The following LSM14A variants were observed in gnomAD, a reference collection of about 807,000 sequenced individuals.
The protein encoded by LSM14A is protein LSM14 homolog A.
In LSM14A, 14 loss-of-function variants were observed where a neutral mutation model predicts 52.4. That is an observed-to-expected ratio of 0.27 (90% CI 0.18 to 0.42). The LOEUF is 0.42. LSM14A is among the 10% of genes least tolerant of loss of function. The pLI is 1.00. For missense variants in LSM14A, 417 were observed against 581.8 expected, an observed-to-expected ratio of 0.72 and a Z score of 2.91; for synonymous variants, 185 against 200.3, an observed-to-expected ratio of 0.92 and a Z score of 0.64.
intron 4 of LSM14A, 28 bp from the exon 5 acceptor site, chr19:34,215,096 A>G: frequency 6.4e-7 from 1 of 1,571,946 alleles, no homozygotes; most frequent in Non-Finnish European, 8.6e-7. Context: ...CCAATAGGGT[A>G]GTTTGTTATC....
At chr19:34,181,510 A>G (rs1050163246) in intron 1 of LSM14A, among the ~76,000 whole-genome samples, 16 of 152,160 alleles carry the variant, frequency 1.1e-4, no homozygotes, top group African/African-American at 3.6e-4. Context: ...TCTTAGTCTC[A>G]TTCTACTTCA....
chr19:34,197,009 AG>A (rs2070888938), intron 3 of LSM14A, among the ~76,000 whole-genome samples: 1 of 151,950 alleles, frequency 6.6e-6, no homozygotes, highest in Non-Finnish European at 1.5e-5. Context: ...TGGATATACT[AG>A]GTATATCCAA....
chr19:34,223,233 A>C (rs1169265763), intron 9 of LSM14A, among the ~76,000 whole-genome samples: 1 of 152,056 alleles, frequency 6.6e-6, no homozygotes. Context: ...GGCATGCACC[A>C]CCATGCCCAG....
At chr19:34,208,214 G>A (rs949729063) in intron 3 of LSM14A, 5 of 152,306 alleles carry the variant, frequency 3.3e-5, no homozygotes, top group Admixed American at 3.3e-4. Context: ...CTTTAGGTTG[G>A]ATTTAGAGGT....
rs1181375858 is a variant in LSM14A at position 34,227,578 on chromosome 19, C to T, written c.*190C>T. On this transcript the variant is annotated 3_prime_UTR_variant, in exon 10 of 10. Transcript: ENST00000544216. ...TGCAGTTACTTTTGGGGGTGGAAGG[C>T]TCATCTTAAAACATGAGCATTAAAT... 3.9e-6 allele frequency: 2 copies of T among 507,774 alleles called. No individual in the cohort carries two copies. Among genetic ancestry groups the T allele is most frequent in the South Asian group, 3.6e-5 (1 of 27,880 alleles). The allele number at this position is 507,774 out of a possible 1,614,324, so 31.5% of individuals were successfully genotyped here. A position where few individuals can be genotyped will look rare whatever the true frequency, so the allele number is the denominator to read the frequency against.
At chr19:34,223,078 C>CT (rs1010370480) in intron 9 of LSM14A, among the ~76,000 whole-genome samples, 8 of 151,782 alleles carry the variant, frequency 5.3e-5, no homozygotes, top group African/African-American at 1.9e-4. Flanking sequence ...ACTCTTCATT[C>CT]TTTTTTTTGG....
chr19:34,197,958 C>T (rs1388654457), intron 3 of LSM14A, among the ~76,000 whole-genome samples: 2 of 151,680 alleles, frequency 1.3e-5, no homozygotes, highest in Non-Finnish European at 2.9e-5. Context: ...ATCAGATTAG[C>T]TCAGTGTTTT....
intron 6 of LSM14A, 31 bp from the exon 7 acceptor site, chr19:34,219,360 T>C: frequency 6.6e-7 from 1 of 1,508,066 alleles, no homozygotes; most frequent in Admixed American, 2.1e-5. Context: ...ACATATTGAA[T>C]GTCCTTTGTA....
intron 4 of LSM14A, among the ~76,000 whole-genome samples, chr19:34,213,166 AAAAC>A (rs1202030525): frequency 1.4e-5 from 2 of 145,954 alleles, no homozygotes; most frequent in Non-Finnish European, 2.9e-5. Flanking sequence ...TAAAAAACAA[AAAAC>A]AAAATGTGTT....
chr19:34,210,123 C>G (rs2072024207), intron 4 of LSM14A, among the ~76,000 whole-genome samples: 1 of 152,042 alleles, frequency 6.6e-6, no homozygotes, highest in African/African-American at 2.4e-5. Flanking sequence ...AATGTTGAGT[C>G]ATTTCAGAAA....
intron 1 of LSM14A, among the ~76,000 whole-genome samples, chr19:34,190,971 T>C (rs967649853): frequency 8.5e-5 from 13 of 152,150 alleles, no homozygotes; most frequent in African/African-American, 2.4e-4. Context: ...TTCTGTTATA[T>C]CTTTAATTAT....
intron 9 of LSM14A, chr19:34,226,559 C>A: frequency 1.9e-6 from 2 of 1,048,408 alleles, no homozygotes; most frequent in South Asian, 1.7e-5. Context: ...TTATGCCATA[C>A]CATATGTATT....
chr19:34,196,588 A>G (rs779087464), intron 2 of LSM14A, 46 bp from the exon 3 acceptor site: 1 of 1,538,572 alleles, frequency 6.5e-7, no homozygotes, highest in Non-Finnish European at 8.7e-7. Flanking sequence ...TTCGTTATAT[A>G]CATGTTGCTT....
chr19:34,191,401 CAAAAT>C (rs2070374294), intron 1 of LSM14A, among the ~76,000 whole-genome samples: 3 of 151,238 alleles, frequency 2.0e-5, no homozygotes, highest in African/African-American at 4.8e-5. Flanking sequence ...GAAAAAAAAA[CAAAAT>C]AAGTAAATGA....
intron 4 of LSM14A, among the ~76,000 whole-genome samples, chr19:34,214,196 G>C (rs189406760): frequency 6.6e-6 from 1 of 151,978 alleles, no homozygotes; most frequent in Non-Finnish European, 1.5e-5. Flanking sequence ...GGTTTTGTTT[G>C]TTTGTTTTTT....
At chr19:34,181,101 A>G (rs572661439) in intron 1 of LSM14A, among the ~76,000 whole-genome samples, 12 of 152,218 alleles carry the variant, frequency 7.9e-5, no homozygotes, top group Admixed American at 2.6e-4. Flanking sequence ...TTTCTGATCA[A>G]TATGGATAAA....
At chr19:34,184,889 T>G (rs1379423478) in intron 1 of LSM14A, among the ~76,000 whole-genome samples, 1 of 152,210 alleles carries the variant, frequency 6.6e-6, no homozygotes, top group Non-Finnish European at 1.5e-5. Flanking sequence ...ACATTTAAGC[T>G]GGGGCCTGAC....
Position 34,199,566 on chromosome 19 carries a change from T to G in LSM14A, c.415+2803T>G, listed in dbSNP as rs554461738. Among the ~76,000 whole-genome samples the G allele has an allele frequency of 2.0e-5, 3 of 152,334 alleles. No homozygotes were observed. The South Asian group carries it at 6.2e-4, about 32-fold the overall frequency. ...GAATGGGAAAGGTGAGAAAGAACCCTGTGGTGCTGAATGTAAATAGATGGT... is the reference window on the plus strand; with the variant it reads ...GAATGGGAAAGGTGAGAAAGAACCCGGTGGTGCTGAATGTAAATAGATGGT... On this transcript the variant is annotated intron_variant, in intron 3 of 9. Transcript: ENST00000544216.
rs761628757 is a variant in LSM14A, at chr19:34,172,627, C to T, written c.-16C>T. The stretch of plus-strand genomic sequence containing the variant: ...CTGCCTCTCTGCGAGCAGCTGGGAG[C>T]GGCGGCGGCGGCGCCATGAGCGGGG... On this transcript the variant is annotated 5_prime_UTR_variant, in exon 1 of 10. Coordinates refer to ENST00000544216, the MANE Select transcript of LSM14A (RefSeq NM_015578.4). 2.6e-6 allele frequency: 4 copies of T among 1,509,918 alleles called. No individual in the cohort carries two copies. Among genetic ancestry groups the T allele is most frequent in the East Asian group, 5.3e-5 (2 of 37,602 alleles). 93.5% of individuals were successfully genotyped at this position (1,509,918 alleles called of 1,614,324 possible). A position where few individuals can be genotyped will look rare whatever the true frequency, so the allele number is the denominator to read the frequency against.
Sources: allele counts gnomAD v4.1 joint callset (sites outside exome capture counted in the v4.1 genomes callset), GRCh38; gene constraint gnomAD v4.1.1; transcripts MANE v1.5; gene names NCBI Gene and HGNC (gene_info 2026-07-23, HGNC 2026-07-21).